The following ABCA13 variants were observed in gnomAD, a reference collection of about 807,000 sequenced individuals.
ABCA13 encodes ATP-binding cassette sub-family A member 13.
A neutral mutation model predicts 478.7 loss-of-function variants in ABCA13; 476 were observed. The ratio of observed to expected loss-of-function variants is 0.99; its 90% CI spans 0.92 to 1.07. The LOEUF is 1.07. Ranked by LOEUF, ABCA13 falls within the 50% of genes least tolerant of loss-of-function variation. ABCA13 has a pLI of 0.00. For missense variants in ABCA13, 6,060 were observed against 5,910.6 expected (o/e 1.03, Z -0.83); for synonymous variants, 2,252 against 2,158.9 (o/e 1.04, Z -1.20).
chr7:48,199,963 A>G (rs1451098623), intron 3 of ABCA13, among the ~76,000 whole-genome samples: 2 of 152,222 alleles, frequency 1.3e-5, no homozygotes, highest in East Asian at 3.8e-4. Flanking sequence ...TGTGAATGTT[A>G]AAGACAAATA....
chr7:48,449,910 A>G (rs903590196), intron 42 of ABCA13, among the ~76,000 whole-genome samples: 2 of 152,092 alleles, frequency 1.3e-5, no homozygotes, highest in African/African-American at 4.8e-5. Context: ...CCTGTCACAA[A>G]CATGTTTTTA....
chr7:48,285,117 T>C (rs896082837), intron 19 of ABCA13, among the ~76,000 whole-genome samples: 2 of 152,126 alleles, frequency 1.3e-5, no homozygotes, highest in Non-Finnish European at 2.9e-5. Flanking sequence ...TCTTCCAGTT[T>C]CCCTAATTGA....
rs758265657 is a variant in ABCA13 at position 48,508,012 on chromosome 7, A to G, written c.13487A>G (p.Tyr4496Cys). ...KRLQHISGLG[Y>C]RMYWFTNFLY... ...TTGCAGCACATAAGTGGCCTTGGCT[A>G]CAGGATGTACTGGTTCACAAACTTC... Residue 4496 changes from tyrosine to cysteine, a missense_variant, in exon 50 of 62, where the codon TAC (tyrosine) becomes TGC (cysteine). Physicochemically the swap from Tyr to Cys is radical, Grantham distance 194. Around this residue, in one of 3 missense-constraint regions of ABCA13, gnomAD observed 1,627 missense variants for 1,571.0 expected, o/e 1.04. Coordinates refer to ENST00000435803, the MANE Select transcript of ABCA13 (RefSeq NM_152701.5). 20 of 1,613,780 alleles carry G rather than the reference A, an allele frequency of 1.2e-5. No homozygotes were observed. The highest frequency in any genetic ancestry group is 1.7e-5 in the Admixed American group (1 of 59,998).
At chr7:48,324,937 GAGA>G (rs758519401) in intron 27 of ABCA13, among the ~76,000 whole-genome samples, 10 of 152,210 alleles carry the variant, frequency 6.6e-5, no homozygotes, top group Admixed American at 3.3e-4. Context: ...TTTGGAGGAG[GAGA>G]AGATGTGCTT....
chr7:48,466,646 T>A (rs1159067868), intron 43 of ABCA13, among the ~76,000 whole-genome samples: 1 of 152,160 alleles, frequency 6.6e-6, no homozygotes, highest in African/African-American at 2.4e-5. Flanking sequence ...TTAAAAACCA[T>A]GTAAATATGT....
rs2128951034 is a variant in ABCA13 at position 48,338,389 on chromosome 7, A to G, written c.10138A>G (p.Arg3380Gly). ...GGAGGCCCTGAGAAACAAATTTGTA[A>G]GAAACTTTGTAGAAAACCAGTTGCA... ...LQEALRNKFVRNFVENQLHID... is the reference protein window; with the variant it reads ...LQEALRNKFVGNFVENQLHID... The change falls in exon 29 of 62, where the codon AGA (arginine) becomes GGA (glycine). Residue 3380 changes from arginine (R) to glycine (G), a missense_variant. Physicochemically the swap from Arg to Gly is moderately radical, Grantham distance 125. Coordinates refer to ENST00000435803, the MANE Select transcript of ABCA13 (RefSeq NM_152701.5). 1 of 1,600,648 alleles carries G rather than the reference A, an allele frequency of 6.2e-7. No individual in the cohort carries two copies. The highest frequency in any genetic ancestry group is 2.2e-5 in the East Asian group (1 of 44,456).
chr7:48,604,624 GCTGAGGAGTGTTTTA>G (rs1281607887), intron 58 of ABCA13, among the ~76,000 whole-genome samples: 1 of 152,152 alleles, frequency 6.6e-6, no homozygotes, highest in East Asian at 1.9e-4. Flanking sequence ...TTTTGCAGTT[GCTGAGGAGTGTTTTA>G]CTTCCAATTA....
chr7:48,463,246 G>A (rs1487796906), intron 43 of ABCA13, among the ~76,000 whole-genome samples: 1 of 152,166 alleles, frequency 6.6e-6, no homozygotes, highest in Admixed American at 6.5e-5. Context: ...TGTTATTGCT[G>A]TTTTGACAGA....
intron 29 of ABCA13, among the ~76,000 whole-genome samples, chr7:48,348,407 C>T (rs1404757283): frequency 6.6e-6 from 1 of 152,104 alleles, no homozygotes; most frequent in Admixed American, 6.5e-5. Context: ...AAAGTGTTGA[C>T]TATAAAACTA....
At chr7:48,432,657 C>G (rs993429038) in intron 42 of ABCA13, among the ~76,000 whole-genome samples, 1 of 152,164 alleles carries the variant, frequency 6.6e-6, no homozygotes, top group Non-Finnish European at 1.5e-5. Context: ...GAAGCAAATT[C>G]TGTCATTTGT....
At chr7:48,521,407 G>A (rs977973134) in intron 53 of ABCA13, among the ~76,000 whole-genome samples, 3 of 152,028 alleles carry the variant, frequency 2.0e-5, no homozygotes, top group Non-Finnish European at 4.4e-5. Context: ...TTTCCTTTCA[G>A]CCATTTCCTG....
At chr7:48,376,364 G>A in intron 34 of ABCA13, 77 bp from the exon 35 acceptor site, 1 of 1,538,304 alleles carries the variant, frequency 6.5e-7, no homozygotes, top group Non-Finnish European at 8.8e-7. Context: ...GCTTCCAGAA[G>A]TAATGAACTC....
intron 20 of ABCA13, among the ~76,000 whole-genome samples, chr7:48,294,425 GTTTTT>G (rs370890353): frequency 1.2e-5 from 1 of 80,356 alleles, no homozygotes; most frequent in Non-Finnish European, 2.7e-5. Flanking sequence ...GTTTCTATGG[GTTTTT>G]TTTTTTTTTT....
At chr7:48,342,642 A>G (rs914404084) in intron 29 of ABCA13, among the ~76,000 whole-genome samples, 27 of 152,266 alleles carry the variant, frequency 1.8e-4, no homozygotes, top group African/African-American at 6.5e-4. Flanking sequence ...AGTCTTGGCT[A>G]CTATCTTTTG....
At chr7:48,407,554 G>T (rs1818425714) in intron 39 of ABCA13, among the ~76,000 whole-genome samples, 1 of 151,612 alleles carries the variant, frequency 6.6e-6, no homozygotes. Context: ...AAAAATAATA[G>T]AGTATAACAA....
At chr7:48,465,775 C>T (rs1826811110) in intron 43 of ABCA13, among the ~76,000 whole-genome samples, 1 of 151,932 alleles carries the variant, frequency 6.6e-6, no homozygotes, top group Admixed American at 6.6e-5. Context: ...CTATCGAACA[C>T]TAGTACCTAT....
At chr7:48,537,225 TCTAA>T (rs1160317937) in intron 55 of ABCA13, among the ~76,000 whole-genome samples, 2 of 152,218 alleles carry the variant, frequency 1.3e-5, no homozygotes, top group East Asian at 3.8e-4. Flanking sequence ...TTGTTTTATT[TCTAA>T]CTTTTTGATT....
intron 59 of ABCA13, among the ~76,000 whole-genome samples, chr7:48,627,253 C>A (rs148695384): frequency 3.1e-4 from 47 of 152,180 alleles, no homozygotes; most frequent in African/African-American, 1.1e-3. Context: ...TTTCTTGACT[C>A]TAAGTTTCTT....
At chr7:48,244,943 T>C (rs1185957282) in intron 11 of ABCA13, among the ~76,000 whole-genome samples, 3 of 152,168 alleles carry the variant, frequency 2.0e-5, no homozygotes, top group East Asian at 1.9e-4. Flanking sequence ...CTTAAGCCCA[T>C]GCTGTGGCCT....
Sources: gnomAD v4.1 joint callset for allele counts (sites outside exome capture counted in the v4.1 genomes callset) on GRCh38, gnomAD v4.1.1 for gene constraint, gnomAD v4.1.1 regional missense constraint, MANE v1.5 for transcripts, NCBI Gene and HGNC (gene_info 2026-07-23, HGNC 2026-07-21) for gene names.